Variants in ZBBX observed in about 807,000 individuals in gnomAD.
ZBBX encodes zinc finger B-box domain containing.
Under a neutral mutation model 108.5 loss-of-function variants are expected in ZBBX, and 101 were observed. The observed-to-expected ratio is 0.93, with a 90% CI of 0.79 to 1.10. The LOEUF is 1.10. ZBBX is among the 50% of genes least tolerant of loss of function. ZBBX has a pLI of 0.00. For synonymous variants in ZBBX, 356 were observed against 323.4 expected, an observed-to-expected ratio of 1.10 and a Z score of -1.08; for missense variants, 1,009 against 941.4, an observed-to-expected ratio of 1.07 and a Z score of -0.94.
chr3:167,234,224 G>A, the ZBBX span, among the ~76,000 whole-genome samples: 2 of 151,780 alleles, frequency 1.3e-5, no homozygotes, highest in Non-Finnish European at 2.9e-5. Flanking sequence ...CCTTTAAAAT[G>A]TATTATTTTA....
intron 20 of ZBBX, among the ~76,000 whole-genome samples, chr3:167,245,812 T>C (rs1481110496): frequency 1.3e-5 from 2 of 151,492 alleles, no homozygotes; most frequent in East Asian, 3.9e-4. Context: ...CTGAGCCAAT[T>C]AAACTTCTTT....
intron 10 of ZBBX, 150 bp from the exon 11 acceptor site, chr3:167,328,266 T>A (rs1737770997): frequency 5.0e-6 from 4 of 793,722 alleles, no homozygotes; most frequent in Admixed American, 3.0e-5. Context: ...AGAATATTTT[T>A]AAGTTGTGCT....
intron 4 of ZBBX, chr3:167,368,846 G>A (rs985975807): frequency 6.3e-6 from 3 of 476,924 alleles, no homozygotes; most frequent in African/African-American, 4.2e-5. Context: ...TATAAGGCAT[G>A]TTTTTATATA....
At chr3:167,381,509 GC>G (rs1395699431), upstream of ZBBX, among the ~76,000 whole-genome samples, 1 of 152,134 alleles carries the variant, frequency 6.6e-6, no homozygotes, top group Non-Finnish European at 1.5e-5. Context: ...TGCTGGTGTG[GC>G]TATGATGGTT....
chr3:167,248,817 T>A (rs1722054047), intron 20 of ZBBX, among the ~76,000 whole-genome samples: 1 of 151,964 alleles, frequency 6.6e-6, no homozygotes, highest in Admixed American at 6.6e-5. Context: ...CAGGGAGAAA[T>A]GGGGGCAAAG....
At chr3:167,374,423 C>G (rs1025750291) in intron 2 of ZBBX, among the ~76,000 whole-genome samples, 1 of 152,082 alleles carries the variant, frequency 6.6e-6, no homozygotes, top group Admixed American at 6.5e-5. Flanking sequence ...ATTACTAAAT[C>G]ACATGAACAA....
At chr3:167,317,204 G>T in intron 13 of ZBBX, 99 bp from the exon 14 acceptor site, 2 of 768,570 alleles carry the variant, frequency 2.6e-6, no homozygotes, top group Non-Finnish European at 4.1e-6. Context: ...GTGTTCTCAT[G>T]TGTATCTACA....
the ZBBX span, among the ~76,000 whole-genome samples, chr3:167,182,602 C>A: frequency 2.6e-5 from 4 of 152,164 alleles, no homozygotes; most frequent in African/African-American, 9.7e-5. Context: ...CACCAACCCC[C>A]AAAAGTTGGT....
intron 18 of ZBBX, among the ~76,000 whole-genome samples, chr3:167,289,440 T>G (rs1730265714): frequency 6.6e-6 from 1 of 152,152 alleles, no homozygotes; most frequent in African/African-American, 2.4e-5. Context: ...TTGGGACTGG[T>G]TGTACAGTGG....
At chr3:167,350,794 T>C (rs1742514363) in intron 8 of ZBBX, among the ~76,000 whole-genome samples, 1 of 152,044 alleles carries the variant, frequency 6.6e-6, no homozygotes, top group Non-Finnish European at 1.5e-5. Flanking sequence ...GGGGTGTATA[T>C]TTTAGATGCA....
At chr3:167,207,708 C>T in the ZBBX span, among the ~76,000 whole-genome samples, 2 of 152,078 alleles carry the variant, frequency 1.3e-5, no homozygotes, top group Non-Finnish European at 2.9e-5. Flanking sequence ...AATTTAATCT[C>T]ATAGATGAAG....
the ZBBX span, among the ~76,000 whole-genome samples, chr3:167,179,647 A>G: frequency 0.2 from 30,353 of 152,184 alleles, 3,256 homozygotes; most frequent in Non-Finnish European, 0.25. Flanking sequence ...GCATATCAAA[A>G]GCAGTCAATA....
At chr3:167,349,843 T>C (rs867135042) in intron 9 of ZBBX, among the ~76,000 whole-genome samples, 2 of 152,062 alleles carry the variant, frequency 1.3e-5, no homozygotes, top group Admixed American at 6.6e-5. Context: ...ATGCCATGTC[T>C]ATATCTAATT....
chr3:167,196,046 C>T, the ZBBX span, among the ~76,000 whole-genome samples: 2 of 152,150 alleles, frequency 1.3e-5, no homozygotes, highest in African/African-American at 2.4e-5. Context: ...ATCATTATGG[C>T]CACTATACAT....
chr3:167,269,935 C>A (rs1276098305), intron 20 of ZBBX, among the ~76,000 whole-genome samples: 1 of 152,156 alleles, frequency 6.6e-6, no homozygotes, highest in Non-Finnish European at 1.5e-5. Flanking sequence ...GACACCCAGT[C>A]AGGGTAAAAA....
chr3:167,327,217 T>C (rs1737556359), intron 11 of ZBBX, among the ~76,000 whole-genome samples: 1 of 150,644 alleles, frequency 6.6e-6, no homozygotes, highest in South Asian at 2.1e-4. Context: ...CCTCCTGAAG[T>C]TCATAGTGGT....
chr3:167,271,334 T>G (rs541163667), intron 20 of ZBBX, among the ~76,000 whole-genome samples: 1 of 152,184 alleles, frequency 6.6e-6, no homozygotes, highest in Non-Finnish European at 1.5e-5. Flanking sequence ...AAGCCTTTCT[T>G]TTGAAAGCTA....
intron 20 of ZBBX, among the ~76,000 whole-genome samples, chr3:167,262,432 G>A (rs560745887): frequency 1.3e-4 from 20 of 152,302 alleles, no homozygotes; most frequent in African/African-American, 4.6e-4. Context: ...ACTTTCAATA[G>A]GATTGGTATA....
chr3:167,335,016 C>A (rs1029513043), intron 9 of ZBBX, among the ~76,000 whole-genome samples: 4 of 152,092 alleles, frequency 2.6e-5, no homozygotes, highest in African/African-American at 9.7e-5. Context: ...TCTGCATTCA[C>A]GCCATTACTC....
Sources: gnomAD v4.1 joint callset for allele counts (sites outside exome capture counted in the v4.1 genomes callset) on GRCh38, gnomAD v4.1.1 for gene constraint, MANE v1.5 for transcripts, NCBI Gene and HGNC (gene_info 2026-07-23, HGNC 2026-07-21) for gene names.